WRAP73: variants seen among roughly 807,000 people sequenced by gnomAD.
The protein encoded by WRAP73 is WD repeat-containing protein WRAP73.
In WRAP73, 55 loss-of-function variants were observed where a neutral mutation model predicts 59.6. The ratio of observed to expected loss-of-function variants is 0.92; its 90% CI spans 0.74 to 1.15. The LOEUF is 1.15. Ranked by LOEUF, WRAP73 falls within the 50% of genes most tolerant of loss-of-function variation. The pLI, the probability that WRAP73 is intolerant of heterozygous loss-of-function variation, is 0.00. For missense variants in WRAP73, 592 were observed against 608.1 expected, an observed-to-expected ratio of 0.97 and a Z score of 0.28; for synonymous variants, 265 against 258.2, an observed-to-expected ratio of 1.03 and a Z score of -0.25.
At chr1:3,645,457 C>T (rs1459117643) in intron 3 of WRAP73, among the ~76,000 whole-genome samples, 3 of 104,056 alleles carry the variant, frequency 2.9e-5, no homozygotes, top group Admixed American at 9.9e-5. Context: ...GTGGTGTGCG[C>T]CGTGCAGCGG....
At chr1:3,633,812 C>T (rs560535592) in intron 8 of WRAP73, 49 of 304,792 alleles carry the variant, frequency 1.6e-4, no homozygotes, top group African/African-American at 9.0e-4. Flanking sequence ...GCTCAGCCTT[C>T]CCTCCGTGAT....
At chr1:3,633,954 G>A (rs918991311) in intron 8 of WRAP73, 4 of 162,044 alleles carry the variant, frequency 2.5e-5, no homozygotes, top group South Asian at 3.4e-4. Context: ...AGTGGAAGGC[G>A]GGCAGCCCCT....
At chr1:3,645,979 A>G (rs950580736) in intron 3 of WRAP73, among the ~76,000 whole-genome samples, 3 of 152,270 alleles carry the variant, frequency 2.0e-5, no homozygotes, top group Non-Finnish European at 2.9e-5. Context: ...ATCCTAAAAA[A>G]TCTAAATTAA....
intron 9 of WRAP73, 192 bp from the exon 10 acceptor site, chr1:3,632,530 C>T: frequency 2.5e-6 from 2 of 805,140 alleles, no homozygotes; most frequent in Admixed American, 4.9e-5. Flanking sequence ...CCCGCAAGTG[C>T]CCCGGATGAG....
At position 3,632,017 on chromosome 1, in the gene WRAP73, G is replaced by A. The variant is rs150067452; in HGVS notation, c.1048+196C>T. Reference sequence around the variant, plus strand: ...AGGGTGGAGGCCTCCTGACTCATGCGCGGACCTGCGGCTGCTGCAGGACAA... The same window carrying A: ...AGGGTGGAGGCCTCCTGACTCATGCACGGACCTGCGGCTGCTGCAGGACAA... On this transcript the variant is annotated intron_variant, in intron 10 of 11. Transcript: ENST00000270708. 174 of 1,466,834 alleles carry A rather than the reference G, an allele frequency of 1.2e-4. No homozygotes were observed. The African/African-American group carries it at 1.9e-3, about 16-fold the overall frequency. 90.9% of individuals were successfully genotyped at this position (1,466,834 alleles called of 1,614,324 possible).
Position 3,633,445 on chromosome 1 carries a change from G to A in WRAP73, c.875C>T (p.Pro292Leu), listed in dbSNP as rs115630424. 4.9e-4 allele frequency: 795 copies of A among 1,612,434 alleles called. 4 individuals carry two copies. The East Asian group carries it at 9.6e-3, about 19-fold the overall frequency. Residue 292 changes from proline to leucine, a missense_variant, in exon 9 of 12, where the codon CCG becomes CTG. Pro to Leu is a moderately conservative substitution (Grantham distance 98, BLOSUM62 -3). Coordinates refer to ENST00000270708, the MANE Select transcript of WRAP73 (RefSeq NM_017818.4). Reference protein sequence around the residue: ...PQLGLGCLSFPPPRAGAGPLP... With the variant: ...PQLGLGCLSFLPPRAGAGPLP... ...AGGGCCGGCCCCGGCCCGGGGCGGC[G>A]GGAAGGAGAGGCAGCCCAGTCCCAG...
At chr1:3,648,775 A>G (rs190866216) in intron 1 of WRAP73, among the ~76,000 whole-genome samples, 6 of 152,340 alleles carry the variant, frequency 3.9e-5, no homozygotes, top group African/African-American at 1.4e-4. Flanking sequence ...AATTTTCATA[A>G]ATGGTAAAAA....
rs549533945 is a variant in WRAP73, at chr1:3,635,980, G to A, written c.567C>T (p.Asn189=). 97 of 1,613,992 alleles carry A rather than the reference G, an allele frequency of 6.0e-5. No homozygotes were observed. Among genetic ancestry groups the A allele is most frequent in the African/African-American group, 3.3e-4 (25 of 75,022 alleles). The change falls in exon 6 of 12, where the codon AAC becomes AAT. Residue 189 remains asparagine (N), a synonymous_variant. Transcript: ENST00000270708. ...QDLTGIEWAP[N]GCVLAVWDTC... ...TGTCCCACACTGCCAGCACACAGCCGTTTGGGGCCCACTCAATCCCTGTGA... is the reference window on the plus strand; with the variant it reads ...TGTCCCACACTGCCAGCACACAGCCATTTGGGGCCCACTCAATCCCTGTGA...
intron 3 of WRAP73, among the ~76,000 whole-genome samples, chr1:3,640,954 G>C (rs527845833): frequency 4.3e-4 from 66 of 152,286 alleles, no homozygotes; most frequent in South Asian, 1.7e-3. Flanking sequence ...GGAAACACAG[G>C]GAGCACTTTA....
Position 3,634,187 on chromosome 1 carries a change from C to A in WRAP73, c.817-684G>T, listed in dbSNP as rs149536324. 5.6e-3 allele frequency: 866 copies of A among 153,410 alleles called. 4 individuals are homozygous for A. Among genetic ancestry groups the A allele is most frequent in the Middle Eastern group, 0.01 (3 of 298 alleles). The allele number at this position is 153,410 out of a possible 1,614,324, so 9.5% of individuals were successfully genotyped here. On this transcript the variant is annotated intron_variant, in intron 8 of 11. Coordinates refer to ENST00000270708, the MANE Select transcript of WRAP73 (RefSeq NM_017818.4). Reference sequence around the variant, plus strand: ...CAGGAGGCCCCTCTGCCTGAAACACCCTTTCTGCCCAGACACCGCGCAGCT... The same window carrying A: ...CAGGAGGCCCCTCTGCCTGAAACACACTTTCTGCCCAGACACCGCGCAGCT...
chr1:3,636,052 A>T, intron 5 of WRAP73, 22 bp from the exon 6 acceptor site: 3 of 1,582,676 alleles, frequency 1.9e-6, no homozygotes, highest in Non-Finnish European at 2.6e-6. Flanking sequence ...AGGGGGGGAA[A>T]CATTAAATTT....
intron 4 of WRAP73, among the ~76,000 whole-genome samples, chr1:3,638,018 G>A (rs1457849149): frequency 6.6e-6 from 1 of 152,198 alleles, no homozygotes; most frequent in Admixed American, 6.5e-5. Flanking sequence ...ATCTCATCTG[G>A]AGGGACGCTA....
chr1:3,643,599 G>T (rs1385442559), intron 3 of WRAP73, among the ~76,000 whole-genome samples: 2 of 139,940 alleles, frequency 1.4e-5, no homozygotes, highest in African/African-American at 4.9e-5. Context: ...CCTTCGGAAG[G>T]GGACCCAGCG....
intron 3 of WRAP73, among the ~76,000 whole-genome samples, chr1:3,644,298 T>C (rs866912167): frequency 9.8e-4 from 40 of 40,966 alleles, no homozygotes; most frequent in African/African-American, 5.6e-3. Context: ...GGACATGGGG[T>C]CGCGCCTTCG....
intron 4 of WRAP73, among the ~76,000 whole-genome samples, chr1:3,637,498 C>T (rs528579705): frequency 6.6e-6 from 1 of 152,306 alleles, no homozygotes; most frequent in East Asian, 1.9e-4. Flanking sequence ...TGGTTCCTAC[C>T]ATATTTATTT....
intron 3 of WRAP73, among the ~76,000 whole-genome samples, chr1:3,643,436 C>T (rs1021267836): frequency 6.6e-6 from 1 of 152,264 alleles, no homozygotes; most frequent in African/African-American, 2.4e-5. Flanking sequence ...CTTTTGATGA[C>T]TCACTGAACC....
rs762669865 is a variant in WRAP73 at position 3,638,803 on chromosome 1, G to A, written c.359C>T (p.Ser120Phe). ...GTAAGACACGGATTTTGTGCACAAGGACCAGACGGTTATCCGCAGCTGTTG... is the reference window on the plus strand; with the variant it reads ...GTAAGACACGGATTTTGTGCACAAGAACCAGACGGTTATCCGCAGCTGTTG... The part of the protein sequence containing the change: ...TEFHLRITVW[S>F]LCTKSVSYIK... Residue 120 changes from serine (S) to phenylalanine (F), a missense_variant, in exon 4 of 12, where the codon TCC (serine) becomes TTC (phenylalanine). By Grantham distance (155) the Ser-to-Phe change is radical (BLOSUM62 -2). Transcript: ENST00000270708. 5.6e-6 allele frequency: 9 copies of A among 1,614,138 alleles called. No homozygotes were observed. Among genetic ancestry groups the A allele is most frequent in the Non-Finnish European group, 7.6e-6 (9 of 1,180,012 alleles).
rs756904588 is a variant in WRAP73 at position 3,633,247 on chromosome 1, C to T, written c.922+151G>A. 2.3e-5 allele frequency: 17 copies of T among 747,302 alleles called. 1 individual carries two copies. The highest frequency in any genetic ancestry group is 2.4e-4 in the Middle Eastern group (1 of 4,110). The allele number at this position is 747,302 out of a possible 1,614,324, so 46.3% of individuals were successfully genotyped here. A position where few individuals can be genotyped will look rare whatever the true frequency, so the allele number is the denominator to read the frequency against. ...CGCAATTCAGACCCTAGTCAACCTC[C>T]AGCCAACAGGCTGAGGGGCACACTG... is the stretch of plus-strand genomic sequence containing the variant. On this transcript the variant is annotated intron_variant, in intron 9 of 11. Coordinates refer to ENST00000270708, the MANE Select transcript of WRAP73 (RefSeq NM_017818.4).
rs757465263 is a variant in WRAP73, at chr1:3,635,210, C to T, written c.688G>A (p.Ala230Thr). ...YEWSLGIKSV[A>T]WSPSSQFLAV... The stretch of plus-strand genomic sequence containing the variant: ...AGGAACTGACTGCTGGGGCTCCAGG[C>T]CACAGACTTGATGCCCAGGGACCAC... Residue 230 changes from alanine to threonine, a missense_variant, in exon 7 of 12, where the codon GCC becomes ACC. Transcript: ENST00000270708. 1.1e-5 allele frequency: 18 copies of T among 1,613,958 alleles called. No individual in the cohort carries two copies. In the Admixed American group the frequency reaches 1.2e-4, roughly 10 times the overall value.
Sources: gnomAD v4.1 joint callset for allele counts (sites outside exome capture counted in the v4.1 genomes callset) on GRCh38, gnomAD v4.1.1 for gene constraint, MANE v1.5 for transcripts, NCBI Gene and HGNC (gene_info 2026-07-23, HGNC 2026-07-21) for gene names.